PSEN1: variants seen among roughly 807,000 people sequenced by gnomAD.
PSEN1 encodes the protein presenilin 1.
In PSEN1, 15 loss-of-function variants were observed where a neutral mutation model predicts 53.5. That is an observed-to-expected ratio of 0.28 (90% CI 0.19 to 0.43). The LOEUF is 0.43. PSEN1 is among the 20% of genes least tolerant of loss of function. PSEN1 has a pLI of 1.00. For synonymous variants in PSEN1, 208 were observed against 209.8 expected, an observed-to-expected ratio of 0.99 and a Z score of 0.08; for missense variants, 387 against 571.2, an observed-to-expected ratio of 0.68 and a Z score of 3.29.
At chr14:73,154,151 A>C (rs1465642737) in intron 3 of PSEN1, among the ~76,000 whole-genome samples, 1 of 152,258 alleles carries the variant, frequency 6.6e-6, no homozygotes, top group Non-Finnish European at 1.5e-5. Flanking sequence ...TGAAATATTA[A>C]GGGAAAAGGG....
chr14:73,186,132 C>A (rs1898500912), intron 5 of PSEN1, among the ~76,000 whole-genome samples: 1 of 152,128 alleles, frequency 6.6e-6, no homozygotes, highest in African/African-American at 2.4e-5. Context: ...GTAATCCTAG[C>A]ACTTTGGGAG....
intron 3 of PSEN1, among the ~76,000 whole-genome samples, chr14:73,158,265 G>A (rs567645483): frequency 6.6e-6 from 1 of 150,450 alleles, no homozygotes; most frequent in East Asian, 2.0e-4. Context: ...TATGGTAGGT[G>A]TATATTTAAC....
intron 3 of PSEN1, chr14:73,168,879 T>A (rs1897801811): frequency 6.6e-6 from 1 of 152,290 alleles, no homozygotes; most frequent in Non-Finnish European, 1.5e-5. Flanking sequence ...CACACTTGGA[T>A]GCTGCTGCGG....
chr14:73,173,887 G>A (rs1897967839), intron 5 of PSEN1, 180 bp downstream of exon 5: 1 of 776,902 alleles, frequency 1.3e-6, no homozygotes, highest in Non-Finnish European at 2.2e-6. Context: ...AGGAAGCCAG[G>A]TGCATGTGTA....
intron 3 of PSEN1, among the ~76,000 whole-genome samples, chr14:73,158,156 A>G (rs1202232575): frequency 6.6e-6 from 1 of 152,186 alleles, no homozygotes; most frequent in Non-Finnish European, 1.5e-5. Flanking sequence ...AGCATTACAG[A>G]TAGTGGCTGT....
chr14:73,186,817 G>C (rs765891278), intron 5 of PSEN1, 36 bp from the exon 6 acceptor site: 1 of 1,520,952 alleles, frequency 6.6e-7, no homozygotes, highest in South Asian at 1.1e-5. Context: ...AGGGTTGTGG[G>C]ACCTGTTAAT....
chr14:73,140,681 G>A (rs1250536136), intron 1 of PSEN1, among the ~76,000 whole-genome samples: 1 of 152,026 alleles, frequency 6.6e-6, no homozygotes, highest in Non-Finnish European at 1.5e-5. Context: ...CATTTGCATA[G>A]TACCTTTACA....
intron 3 of PSEN1, among the ~76,000 whole-genome samples, chr14:73,165,995 G>T (rs1318396414): frequency 6.6e-6 from 1 of 152,050 alleles, no homozygotes; most frequent in Admixed American, 6.6e-5. Context: ...GGCAGAGGTT[G>T]CAGTGAGCCA....
chr14:73,208,202 C>T (rs116395726), intron 9 of PSEN1, among the ~76,000 whole-genome samples: 2,287 of 152,322 alleles, frequency 0.015, 57 homozygotes, highest in African/African-American at 0.051. Flanking sequence ...CCACCTGCAA[C>T]GTGGCAAGTG....
At chr14:73,182,865 AAAG>A (rs1314779021) in intron 5 of PSEN1, among the ~76,000 whole-genome samples, 2 of 152,212 alleles carry the variant, frequency 1.3e-5, no homozygotes, top group Non-Finnish European at 2.9e-5. Flanking sequence ...AAAATTAAAA[AAAG>A]AAATAAATAA....
chr14:73,161,077 C>T (rs534192266), intron 3 of PSEN1, among the ~76,000 whole-genome samples: 1 of 151,170 alleles, frequency 6.6e-6, no homozygotes, highest in Admixed American at 6.6e-5. Flanking sequence ...CAGGCTCAAG[C>T]AGTCCTTCCA....
intron 1 of PSEN1, among the ~76,000 whole-genome samples, chr14:73,147,137 C>T (rs1897096222): frequency 6.6e-6 from 1 of 151,998 alleles, no homozygotes; most frequent in Admixed American, 6.6e-5. Flanking sequence ...AGATGCGCGC[C>T]ACCACACCCG....
At position 73,141,318 on chromosome 14, in the gene PSEN1, A is replaced by G. The variant is rs559232223; in HGVS notation, c.-136+4735A>G. On this transcript the variant is annotated intron_variant, in intron 1 of 11. Transcript: ENST00000324501. Reference sequence around the variant, plus strand: ...AGAGGTGGAGTGGGATGGAAGGAGAAAAAAAAAAAATCACCAAATGGGATG... The same window carrying G: ...AGAGGTGGAGTGGGATGGAAGGAGAGAAAAAAAAAATCACCAAATGGGATG... Among the ~76,000 whole-genome samples the G allele has an allele frequency of 6.7e-5, 10 of 149,658 alleles. No homozygotes were observed. In the East Asian group the frequency reaches 2.0e-3, roughly 29 times the overall value.
chr14:73,179,515 G>A (rs917328366), intron 5 of PSEN1, among the ~76,000 whole-genome samples: 9 of 152,194 alleles, frequency 5.9e-5, no homozygotes, highest in Non-Finnish European at 1.2e-4. Context: ...TACTCAGGAG[G>A]CTGAGGCAGG....
chr14:73,165,526 ACC>A (rs1482206509), intron 3 of PSEN1, among the ~76,000 whole-genome samples: 33 of 145,038 alleles, frequency 2.3e-4, no homozygotes, highest in Middle Eastern at 4.7e-3. Flanking sequence ...TGGGCGGATC[ACC>A]TGAGGTCAGG....
chr14:73,185,792 G>A (rs1392787488), intron 5 of PSEN1, among the ~76,000 whole-genome samples: 7 of 152,086 alleles, frequency 4.6e-5, no homozygotes, highest in African/African-American at 7.2e-5. Flanking sequence ...CTCATGATCC[G>A]CCTGCCGTGG....
intron 11 of PSEN1, 55 bp downstream of exon 11, chr14:73,217,299 A>G: frequency 6.2e-7 from 1 of 1,600,404 alleles, no homozygotes. Flanking sequence ...AACTTTGATT[A>G]CACAGTCCCT....
chr14:73,159,048 T>TG (rs1404954966), intron 3 of PSEN1, among the ~76,000 whole-genome samples: 55 of 152,352 alleles, frequency 3.6e-4, no homozygotes, highest in African/African-American at 1.3e-3. Flanking sequence ...ATTTAAAAAT[T>TG]GCTTTCTTAA....
chr14:73,216,025 T>C (rs1415712713), intron 10 of PSEN1, among the ~76,000 whole-genome samples: 1 of 152,042 alleles, frequency 6.6e-6, no homozygotes, highest in African/African-American at 2.4e-5. Flanking sequence ...TTATTCAGAA[T>C]AGCCCCAAAT....
Sources: allele counts gnomAD v4.1 joint callset (sites outside exome capture counted in the v4.1 genomes callset), GRCh38; gene constraint gnomAD v4.1.1; transcripts MANE v1.5; gene names NCBI Gene and HGNC (gene_info 2026-07-23, HGNC 2026-07-21).